HTT: variants seen among roughly 807,000 people sequenced by gnomAD.
HTT encodes the protein huntington disease protein.
Under a neutral mutation model 362.3 loss-of-function variants are expected in HTT, and 104 were observed. That is an observed-to-expected ratio of 0.29 (90% CI 0.24 to 0.34). HTT has a LOEUF of 0.34. HTT is among the 10% of genes least tolerant of loss of function. The pLI is 1.00. For synonymous variants in HTT, 1,577 were observed against 1,548.7 expected (o/e 1.02, Z -0.43); for missense variants, 3,301 against 3,928.6 (o/e 0.84, Z 4.27).
intron 47 of HTT, among the ~76,000 whole-genome samples, chr4:3,210,590 G>A (rs78770437): frequency 0.019 from 2,896 of 148,586 alleles, 83 homozygotes; most frequent in African/African-American, 0.063. Flanking sequence ...CCTCACCCGT[G>A]GGCAGGTCCT....
intron 40 of HTT, among the ~76,000 whole-genome samples, chr4:3,190,264 T>G (rs1401706643): frequency 1.3e-5 from 2 of 151,552 alleles, no homozygotes; most frequent in East Asian, 1.9e-4. Flanking sequence ...GGAGGATCTC[T>G]TGAGCTCAGG....
At chr4:3,184,133 A>G (rs1368055473) in intron 37 of HTT, among the ~76,000 whole-genome samples, 2 of 152,074 alleles carry the variant, frequency 1.3e-5, no homozygotes, top group Admixed American at 1.3e-4. Context: ...GGCATTGTTC[A>G]GCTGGTGATG....
chr4:3,135,293 C>T (rs1716007884), intron 19 of HTT, among the ~76,000 whole-genome samples: 1 of 150,902 alleles, frequency 6.6e-6, no homozygotes. Context: ...CATTGCACTT[C>T]AGCCTGGCAA....
At chr4:3,077,473 G>A (rs993382714) in intron 1 of HTT, among the ~76,000 whole-genome samples, 9 of 152,148 alleles carry the variant, frequency 5.9e-5, no homozygotes, top group Non-Finnish European at 1.2e-4. Flanking sequence ...AGGCTGGAGT[G>A]CAGTGATACA....
Position 3,206,888 on chromosome 4 carries a change from G to C in HTT, c.5980G>C (p.Asp1994His), listed in dbSNP as rs1408940460. The C allele has an allele frequency of 6.2e-7, 1 of 1,614,162 alleles. No homozygotes were observed. The highest frequency in any genetic ancestry group is 8.5e-7 in the Non-Finnish European group (1 of 1,179,998). The change falls in exon 44 of 67, where the codon GAC becomes CAC. Residue 1994 changes from aspartate to histidine, a missense_variant. By Grantham distance (81) the Asp-to-His change is moderately conservative. This residue lies in a region of HTT where 2,316 missense variants were observed against 2,658.5 expected (regional missense o/e 0.87). Coordinates refer to ENST00000355072, the MANE Select transcript of HTT (RefSeq NM_001388492.1). The surrounding 1 kb of genome is among the most constrained non-coding windows in gnomAD (Gnocchi z 4.6). ...GGGAGCTGTGCTCACGCTGTATGTG[G>C]ACAGGCTTCTGTGCACCCCTTTCCG... The part of the protein sequence containing the change: ...QSGAVLTLYV[D>H]RLLCTPFRVL...
intron 31 of HTT, 176 bp downstream of exon 31, chr4:3,173,307 C>T (rs571574900): frequency 2.9e-5 from 18 of 612,794 alleles, no homozygotes; most frequent in Admixed American, 2.5e-4. Flanking sequence ...AGGCATAGCC[C>T]GGCCTTCCAA....
intron 29 of HTT, among the ~76,000 whole-genome samples, chr4:3,168,017 T>TA (rs1269519663): frequency 1.3e-5 from 2 of 152,188 alleles, no homozygotes; most frequent in Non-Finnish European, 2.9e-5. Context: ...AATTGTTGAG[T>TA]TTTTATCCGT....
At chr4:3,165,720 G>A (rs563515870) in intron 29 of HTT, among the ~76,000 whole-genome samples, 2 of 151,936 alleles carry the variant, frequency 1.3e-5, no homozygotes, top group South Asian at 4.2e-4. Context: ...CGAAGCTTGT[G>A]TATACTTCAC....
At chr4:3,192,147 T>C (rs1197351240) in intron 40 of HTT, among the ~76,000 whole-genome samples, 1 of 152,202 alleles carries the variant, frequency 6.6e-6, no homozygotes, top group African/African-American at 2.4e-5. Context: ...AGTGCGAGGC[T>C]CACTCTAGCC....
intron 1 of HTT, among the ~76,000 whole-genome samples, chr4:3,082,989 C>T (rs1459331695): frequency 6.6e-6 from 1 of 152,046 alleles, no homozygotes; most frequent in Non-Finnish European, 1.5e-5. Flanking sequence ...TAGAAGGTGA[C>T]ATTTGAGTGG....
chr4:3,150,424 G>A (rs571551959), intron 26 of HTT, among the ~76,000 whole-genome samples: 17 of 152,212 alleles, frequency 1.1e-4, no homozygotes, highest in Non-Finnish European at 2.2e-4. Context: ...GGACCTCAGA[G>A]GACCTGTCTC....
intron 24 of HTT, among the ~76,000 whole-genome samples, chr4:3,146,544 T>TA (rs1716613003): frequency 6.6e-6 from 1 of 152,248 alleles, no homozygotes; most frequent in South Asian, 2.1e-4. Flanking sequence ...TATGCCCTAG[T>TA]AAAAGCATTC....
chr4:3,234,321 C>T (rs1578615825), intron 61 of HTT, among the ~76,000 whole-genome samples: 1 of 152,254 alleles, frequency 6.6e-6, no homozygotes, highest in African/African-American at 2.4e-5. Flanking sequence ...CGTGGGGAGG[C>T]CCTTCTCGCC....
intron 14 of HTT, among the ~76,000 whole-genome samples, 160 bp downstream of exon 14, chr4:3,130,583 C>A (rs1195875045): frequency 1.3e-5 from 2 of 152,164 alleles, no homozygotes; most frequent in African/African-American, 4.8e-5. Context: ...TCTGCCTTTC[C>A]AGGTACTACC....
Position 3,208,831 on chromosome 4 carries a change from C to T in HTT, c.6211C>T (p.Leu2071Phe). Residue 2071 changes from leucine to phenylalanine, a missense_variant, in exon 46 of 67, where the codon CTT becomes TTT. Physicochemically the swap from Leu to Phe is conservative, Grantham distance 22. Transcript: ENST00000355072. ...RFRLSTMQDSLSPSPPVSSHP... is the reference protein window; with the variant it reads ...RFRLSTMQDSFSPSPPVSSHP... ...TCGTCTCTCCACCATGCAAGACTCA[C>T]TTAGTCCCTCTCCTCCAGTCTCTTC... The T allele has an allele frequency of 6.2e-7, 1 of 1,614,178 alleles. No homozygotes were observed. The highest frequency in any genetic ancestry group is 8.5e-7 in the Non-Finnish European group (1 of 1,179,990).
chr4:3,124,071 C>G (rs1473996543), intron 10 of HTT, among the ~76,000 whole-genome samples: 1 of 152,146 alleles, frequency 6.6e-6, no homozygotes, highest in South Asian at 2.1e-4. Context: ...CTTAAGAGAA[C>G]TTGGAATCTA....
intron 40 of HTT, among the ~76,000 whole-genome samples, chr4:3,196,662 C>T (rs1445164047): frequency 6.6e-6 from 1 of 151,940 alleles, no homozygotes; most frequent in African/African-American, 2.4e-5. Context: ...CAATTGAGCC[C>T]CGGAGGCCAA....
At chr4:3,082,504 A>C (rs1712966146) in intron 1 of HTT, among the ~76,000 whole-genome samples, 2 of 152,258 alleles carry the variant, frequency 1.3e-5, no homozygotes, top group African/African-American at 4.8e-5. Context: ...TGATATGTCC[A>C]TAGGTCCTTG....
rs191880295 is a variant in HTT at position 3,164,677 on chromosome 4, G to C, written c.3864+4285G>C. The stretch of plus-strand genomic sequence containing the variant: ...TTGATCCCTTTACCATTATGTAATG[G>C]CCTTCTTTGTCTCCTTTGAACTTTG... On this transcript the variant is annotated intron_variant, in intron 29 of 66. Coordinates refer to ENST00000355072, the MANE Select transcript of HTT (RefSeq NM_001388492.1). 1.3e-3 allele frequency among the ~76,000 whole-genome samples: 197 copies of C among 152,208 alleles called. 1 individual carries two copies. Among genetic ancestry groups the C allele is most frequent in the African/African-American group, 4.5e-3 (186 of 41,538 alleles).
Sources: allele counts gnomAD v4.1 joint callset (sites outside exome capture counted in the v4.1 genomes callset), GRCh38; gene constraint gnomAD v4.1.1; regional missense constraint gnomAD v4.1.1; non-coding constraint Gnocchi (gnomAD v3.1); transcripts MANE v1.5; gene names NCBI Gene and HGNC (gene_info 2026-07-23, HGNC 2026-07-21).